The following MUCL1 variants were observed in gnomAD, a reference collection of about 807,000 sequenced individuals.
MUCL1 encodes the protein mucin like 1.
MUCL1 carries 11 observed loss-of-function variants against 9.2 expected under a neutral mutation model. That is an observed-to-expected ratio of 1.19 (90% CI 0.75 to 1.97). The LOEUF (loss-of-function observed/expected upper bound fraction) is 1.97. Ranked by LOEUF, MUCL1 falls within the 30% of genes most tolerant of loss-of-function variation. MUCL1 has a pLI of 0.00. For missense variants in MUCL1, 144 were observed against 110.9 expected, an observed-to-expected ratio of 1.30 and a Z score of -1.34; for synonymous variants, 48 against 40.5, an observed-to-expected ratio of 1.19 and a Z score of -0.71.
At chr12:54,840,564 C>T (rs1330165565) in intron 1 of MUCL1, among the ~76,000 whole-genome samples, 1 of 152,104 alleles carries the variant, frequency 6.6e-6, no homozygotes, top group African/African-American at 2.4e-5. Context: ...AGGCAATGAG[C>T]GGGGTCATAA....
At chr12:54,844,854 A>C (rs1959234724) in intron 1 of MUCL1, among the ~76,000 whole-genome samples, 1 of 152,184 alleles carries the variant, frequency 6.6e-6, no homozygotes, top group Non-Finnish European at 1.5e-5. Flanking sequence ...TATTTTGATC[A>C]CTTATTTCTG....
intron 1 of MUCL1, among the ~76,000 whole-genome samples, chr12:54,848,435 T>C (rs1959287730): frequency 6.6e-6 from 1 of 152,216 alleles, no homozygotes; most frequent in Non-Finnish European, 1.5e-5. Flanking sequence ...GTTTTTCAAA[T>C]TGTTTAATGT....
At chr12:54,848,131 C>T (rs1220605563) in intron 1 of MUCL1, among the ~76,000 whole-genome samples, 1 of 151,424 alleles carries the variant, frequency 6.6e-6, no homozygotes, top group South Asian at 2.1e-4. Flanking sequence ...TTGATGATCC[C>T]AGGCCACAGC....
upstream of MUCL1, among the ~76,000 whole-genome samples, chr12:54,851,575 A>G (rs1959340547): frequency 6.6e-6 from 1 of 152,198 alleles, no homozygotes; most frequent in African/African-American, 2.4e-5. Flanking sequence ...AAAAACTGGA[A>G]GCATTCCCTT....
At chr12:54,847,298 G>A (rs1038263973) in intron 1 of MUCL1, among the ~76,000 whole-genome samples, 2 of 152,144 alleles carry the variant, frequency 1.3e-5, no homozygotes, top group Non-Finnish European at 2.9e-5. Context: ...TTTACTGAGA[G>A]GGAGGCAGAA....
At chr12:54,849,966 C>T (rs1002056032), upstream of MUCL1, among the ~76,000 whole-genome samples, 1 of 152,206 alleles carries the variant, frequency 6.6e-6, no homozygotes, top group African/African-American at 2.4e-5. Context: ...CCACTGGTTG[C>T]AGATTGTCTG....
At chr12:54,856,991 C>A in intron 3 of MUCL1, 99 bp downstream of exon 3, 5 of 1,524,286 alleles carry the variant, frequency 3.3e-6, no homozygotes, top group Admixed American at 1.9e-5. Context: ...GTCAGGGAGA[C>A]CTCTTCTTTA....
upstream of MUCL1, among the ~76,000 whole-genome samples, chr12:54,853,410 T>C (rs1452754998): frequency 2.0e-5 from 3 of 152,172 alleles, no homozygotes; most frequent in Admixed American, 2.0e-4. Context: ...TGATGGAACT[T>C]GGGGCAGTGC....
At chr12:54,841,820 GT>G (rs1474714290) in intron 1 of MUCL1, among the ~76,000 whole-genome samples, 1 of 152,036 alleles carries the variant, frequency 6.6e-6, no homozygotes, top group Non-Finnish European at 1.5e-5. Flanking sequence ...GTTTGATGTA[GT>G]CCCATTTATT....
upstream of MUCL1, among the ~76,000 whole-genome samples, chr12:54,837,685 C>T (rs562859918): frequency 7.0e-4 from 106 of 152,238 alleles, no homozygotes; most frequent in African/African-American, 8.4e-4. Flanking sequence ...AGGAGAATGG[C>T]GTGAACCCAG....
chr12:54,855,289 A>G, intron 2 of MUCL1, 132 bp downstream of exon 2: 1 of 729,910 alleles, frequency 1.4e-6, no homozygotes, highest in Non-Finnish European at 2.4e-6. Flanking sequence ...TGTGAAAGCT[A>G]TATTCCTGAT....
chr12:54,844,452 C>A (rs1305671368), intron 1 of MUCL1, among the ~76,000 whole-genome samples: 1 of 152,142 alleles, frequency 6.6e-6, no homozygotes, highest in African/African-American at 2.4e-5. Context: ...GCCTAAGGAT[C>A]TGGCTGAAAG....
At chr12:54,852,923 A>C (rs528014698), upstream of MUCL1, among the ~76,000 whole-genome samples, 21 of 151,962 alleles carry the variant, frequency 1.4e-4, no homozygotes, top group Admixed American at 5.9e-4. Context: ...CTAATCTCTC[A>C]CCATATTATG....
rs1868304018 is a variant in MUCL1, at chr12:54,856,839, C to T, written c.170C>T (p.Ala57Val). Residue 57 changes from alanine (A) to valine (V), a missense_variant, in exon 3 of 4, where the codon GCT becomes GTT. Transcript: ENST00000308796. ...TAAATTATTAAPTTATTAAST... is the reference protein window; with the variant it reads ...TAAATTATTAVPTTATTAAST... Reference sequence around the variant, plus strand: ...GCTGCAACCACTGCAACCACTGCTGCTCCTACCACTGCAACCACCGCTGCT... The same window carrying T: ...GCTGCAACCACTGCAACCACTGCTGTTCCTACCACTGCAACCACCGCTGCT... 2.5e-6 allele frequency: 4 copies of T among 1,612,600 alleles called. No individual in the cohort carries two copies. The highest frequency in any genetic ancestry group is 1.7e-6 in the Non-Finnish European group (2 of 1,179,082).
At chr12:54,854,118 C>A (rs1222907806), upstream of MUCL1, among the ~76,000 whole-genome samples, 1 of 152,142 alleles carries the variant, frequency 6.6e-6, no homozygotes, top group Non-Finnish European at 1.5e-5. Flanking sequence ...CCTGATTATT[C>A]CCCTAGGGGG....
intron 2 of MUCL1, 103 bp downstream of exon 2, chr12:54,855,260 G>T: frequency 9.9e-7 from 1 of 1,008,926 alleles, no homozygotes. Context: ...TTTGTTATAA[G>T]GAATCCTAAG....
At chr12:54,847,384 G>C (rs1020837440) in intron 1 of MUCL1, among the ~76,000 whole-genome samples, 2 of 152,172 alleles carry the variant, frequency 1.3e-5, no homozygotes, top group Admixed American at 1.3e-4. Context: ...GGGAGGATGA[G>C]GCAGGTGGAT....
chr12:54,852,100 C>T (rs1043941221), upstream of MUCL1, among the ~76,000 whole-genome samples: 4 of 152,148 alleles, frequency 2.6e-5, no homozygotes, highest in Admixed American at 1.3e-4. Context: ...TTTATAGATT[C>T]AATGCCATCC....
At chr12:54,833,686 C>T (rs1300555096) in intron 1 of MUCL1, among the ~76,000 whole-genome samples, 3 of 151,952 alleles carry the variant, frequency 2.0e-5, no homozygotes, top group Admixed American at 2.0e-4. Context: ...ATGGATGAAG[C>T]TGGAAACCAT....
Sources: allele counts gnomAD v4.1 joint callset (sites outside exome capture counted in the v4.1 genomes callset), GRCh38; gene constraint gnomAD v4.1.1; transcripts MANE v1.5; gene names NCBI Gene and HGNC (gene_info 2026-07-23, HGNC 2026-07-21).